Variants in N4BP2 observed in about 807,000 individuals in gnomAD.
N4BP2 encodes NEDD4 binding protein 2.
Under a neutral mutation model 152.8 loss-of-function variants are expected in N4BP2, and 91 were observed. That is an observed-to-expected ratio of 0.60 (90% CI 0.50 to 0.71). The LOEUF (loss-of-function observed/expected upper bound fraction) is 0.71. Among genes scored for constraint, N4BP2 ranks in the 30% least tolerant of loss-of-function variants. The pLI is 0.00. For missense variants in N4BP2, 1,923 were observed against 2,059.1 expected (o/e 0.93, Z 1.28); for synonymous variants, 646 against 705.3 (o/e 0.92, Z 1.33).
intron 14 of N4BP2, among the ~76,000 whole-genome samples, chr4:40,138,689 T>A (rs1719633397): frequency 6.6e-6 from 1 of 152,248 alleles, no homozygotes; most frequent in Admixed American, 6.5e-5. Context: ...TTCTTGGCAC[T>A]CTTGTTGAAA....
chr4:40,127,306 C>T (rs1321368646), intron 12 of N4BP2, among the ~76,000 whole-genome samples: 1 of 150,728 alleles, frequency 6.6e-6, no homozygotes, highest in Non-Finnish European at 1.5e-5. Context: ...CAGCCTCAAC[C>T]TCCTGGGTTT....
rs765420597 is a variant in N4BP2, at chr4:40,112,097, T to G, written c.1512T>G (p.Phe504Leu). 2 of 1,519,826 alleles carry G rather than the reference T, an allele frequency of 1.3e-6. No homozygotes were observed. The highest frequency in any genetic ancestry group is 1.2e-5 in the South Asian group (1 of 83,038). 94.1% of individuals were successfully genotyped at this position (1,519,826 alleles called of 1,614,324 possible). The change falls in exon 6 of 18, where the codon TTT becomes TTG. Residue 504 changes from phenylalanine (F) to leucine (L), a missense_variant. By Grantham distance (22) the Phe-to-Leu change is conservative. Coordinates refer to ENST00000261435, the MANE Select transcript of N4BP2 (RefSeq NM_018177.6). ...EWNQNRAKEA[F>L]EKKISPIIID... ...TATGTTTTTCAGCAAAAGAAGCATT[T>G]GAGAAGAAGATATCTCCTATAATTA...
chr4:40,134,585 A>G (rs2110018512), intron 13 of N4BP2, among the ~76,000 whole-genome samples: 1 of 152,300 alleles, frequency 6.6e-6, no homozygotes, highest in African/African-American at 2.4e-5. Flanking sequence ...GTTTGCCTCA[A>G]ACAACATCAG....
chr4:40,152,664 C>A, intron 16 of N4BP2, 116 bp from the exon 17 acceptor site: 1 of 1,138,116 alleles, frequency 8.8e-7, no homozygotes, highest in Non-Finnish European at 1.3e-6. Flanking sequence ...TTTGAGATGG[C>A]AAACCCCAAA....
At chr4:40,128,442 C>A (rs1239829131) in intron 12 of N4BP2, among the ~76,000 whole-genome samples, 1 of 152,128 alleles carries the variant, frequency 6.6e-6, no homozygotes, top group Non-Finnish European at 1.5e-5. Context: ...AAGGAATAAC[C>A]TCTTCAGTAG....
At chr4:40,189,956 C>T in the N4BP2 span, among the ~76,000 whole-genome samples, 2 of 151,906 alleles carry the variant, frequency 1.3e-5, no homozygotes, top group South Asian at 4.1e-4. This position sits in a 1 kb window ranked among gnomAD's most constrained non-coding sequence, Gnocchi z 4.3. Context: ...AAAATAAGAC[C>T]ATTGAACATT....
In N4BP2 at chr4:40,120,227, G is replaced by A; in HGVS notation, c.2116G>A (p.Val706Met). 6.2e-7 allele frequency: 1 copy of A among 1,613,832 alleles called. No individual in the cohort carries two copies. Among genetic ancestry groups the A allele is most frequent in the Non-Finnish European group, 8.5e-7 (1 of 1,179,988 alleles). The change falls in exon 9 of 18, where the codon GTG becomes ATG. Residue 706 changes from valine (V) to methionine (M), a missense_variant. Coordinates refer to ENST00000261435, the MANE Select transcript of N4BP2 (RefSeq NM_018177.6). ...DKSENEQIEM[V>M]AVKGYSKTDT... ...AAGTGAAAACGAGCAAATAGAAATGGTGGCTGTAAAAGGGTATAGTAAAAC... is the reference window on the plus strand; with the variant it reads ...AAGTGAAAACGAGCAAATAGAAATGATGGCTGTAAAAGGGTATAGTAAAAC...
chr4:40,107,575 GGTTTCCCCGTGTT>G (rs1716433569), intron 5 of N4BP2, among the ~76,000 whole-genome samples: 1 of 151,672 alleles, frequency 6.6e-6, no homozygotes, highest in African/African-American at 2.4e-5. Flanking sequence ...ATAGAGACGG[GGTTTCCCCGTGTT>G]GGCCAGGCTG....
Position 40,142,874 on chromosome 4 carries a change from A to G in N4BP2, c.4974+13A>G. On this transcript the variant is annotated intron_variant, in intron 15 of 17. Coordinates refer to ENST00000261435, the MANE Select transcript of N4BP2 (RefSeq NM_018177.6). ...TTATGCCCAGCAGGTAAAGTGGAAAACTGATTATATATTTTTTGTCAGTTA... is the reference window on the plus strand; with the variant it reads ...TTATGCCCAGCAGGTAAAGTGGAAAGCTGATTATATATTTTTTGTCAGTTA... The G allele has an allele frequency of 6.2e-7, 1 of 1,610,432 alleles. No individual in the cohort carries two copies.
At position 40,117,913 on chromosome 4, in the gene N4BP2, T is replaced by A. The variant is rs1219905167; in HGVS notation, c.1709T>A (p.Leu570Ter). Residue 570 changes from leucine to a stop codon, truncating the protein, a stop_gained, in exon 8 of 18, where the codon TTG (leucine) becomes TAG (stop). Transcript: ENST00000261435. LOFTEE classifies it high-confidence loss of function. ...AGCAAAGAAAAAATAACAAGAATGTTGGAACATTATCAACGTTTTGTTTCA... is the reference window on the plus strand; with the variant it reads ...AGCAAAGAAAAAATAACAAGAATGTAGGAACATTATCAACGTTTTGTTTCA... Reference protein sequence around the residue: ...GVSKEKITRMLEHYQRFVSVP... With the variant: ...GVSKEKITRM The A allele has an allele frequency of 1.2e-6, 2 of 1,612,140 alleles. No homozygotes were observed. The highest frequency in any genetic ancestry group is 4.5e-5 in the East Asian group (2 of 44,778).
Position 40,106,880 on chromosome 4 carries a change from A to T in N4BP2, c.1374-20A>T, listed in dbSNP as rs1405873201. 7 of 1,570,484 alleles carry T rather than the reference A, an allele frequency of 4.5e-6. No individual in the cohort carries two copies. Among genetic ancestry groups the T allele is most frequent in the Middle Eastern group, 1.7e-4 (1 of 5,772 alleles). ...TTTAGAAGAAAAGGTAATGAAAATT[A>T]TTTCATTTATCTTTCACAGGACTTT... is the stretch of plus-strand genomic sequence containing the variant. On this transcript the variant is annotated intron_variant, in intron 4 of 17. Transcript: ENST00000261435.
chr4:40,087,480 C>T (rs939740797), intron 2 of N4BP2, among the ~76,000 whole-genome samples: 3 of 152,070 alleles, frequency 2.0e-5, no homozygotes, highest in Non-Finnish European at 4.4e-5. Context: ...TTTTGTTTCT[C>T]AGCCTCTGGA....
rs754912576 is a variant in N4BP2, at chr4:40,123,195, T to C, written c.4267T>C (p.Trp1423Arg). Residue 1423 changes from tryptophan to arginine, a missense_variant, in exon 10 of 18, where the codon TGG becomes CGG. Transcript: ENST00000261435. ...TCTGGCGAAAGTGATTCATGAGAAA[T>C]GGAAAGAATCTGTAATGGTTGGTAG... ...LNLAKVIHEK[W>R]KESVMERQRQ... The C allele has an allele frequency of 2.5e-6, 4 of 1,611,378 alleles. No individual in the cohort carries two copies. The highest frequency in any genetic ancestry group is 2.7e-5 in the African/African-American group (2 of 74,890).
chr4:40,112,039 T>C, intron 5 of N4BP2, 45 bp from the exon 6 acceptor site: 1 of 1,005,166 alleles, frequency 9.9e-7, no homozygotes, highest in Non-Finnish European at 1.5e-6. Context: ...TCATAATACT[T>C]AGTATTGTTT....
At chr4:40,073,146 T>G (rs747257070) in intron 1 of N4BP2, among the ~76,000 whole-genome samples, 3 of 152,220 alleles carry the variant, frequency 2.0e-5, no homozygotes, top group Non-Finnish European at 4.4e-5. Flanking sequence ...CTTATACATT[T>G]AGTAGCTAGC....
the N4BP2 span, among the ~76,000 whole-genome samples, chr4:40,187,971 CT>C: frequency 6.6e-6 from 1 of 152,198 alleles, no homozygotes; most frequent in Non-Finnish European, 1.5e-5. Flanking sequence ...AGACAAAGAA[CT>C]GTTCTTTAAA....
chr4:40,100,563 G>T (rs1338920097), intron 3 of N4BP2, among the ~76,000 whole-genome samples: 2 of 151,864 alleles, frequency 1.3e-5, no homozygotes, highest in East Asian at 3.9e-4. Context: ...GTAGAGACAG[G>T]GTTTTTCCAT....
At chr4:40,103,292 A>C in intron 4 of N4BP2, 74 bp downstream of exon 4, 1 of 1,325,048 alleles carries the variant, frequency 7.5e-7, no homozygotes, top group Non-Finnish European at 1.0e-6. Flanking sequence ...TAAATAGGCA[A>C]AATGCTTTGC....
the N4BP2 span, among the ~76,000 whole-genome samples, chr4:40,186,854 G>A: frequency 6.6e-6 from 1 of 152,170 alleles, no homozygotes; most frequent in Non-Finnish European, 1.5e-5. Flanking sequence ...TATTTTTCCT[G>A]ATAAGTCATG....
Sources: gnomAD v4.1 joint callset for allele counts (sites outside exome capture counted in the v4.1 genomes callset) on GRCh38, gnomAD v4.1.1 for gene constraint, Gnocchi (gnomAD v3.1) non-coding constraint, MANE v1.5 for transcripts, NCBI Gene and HGNC (gene_info 2026-07-23, HGNC 2026-07-21) for gene names.